The following NAALADL2 variants were observed in gnomAD, a reference collection of about 807,000 sequenced individuals.
NAALADL2 encodes the protein inactive N-acetylated-alpha-linked acidic dipeptidase-like protein 2.
Under a neutral mutation model 87.2 loss-of-function variants are expected in NAALADL2, and 76 were observed. The observed-to-expected ratio is 0.87, with a 90% CI of 0.72 to 1.05. The LOEUF (loss-of-function observed/expected upper bound fraction) is 1.05. NAALADL2 is among the 50% of genes least tolerant of loss of function. The pLI is 0.00. For synonymous variants in NAALADL2, 354 were observed against 331.0 expected (o/e 1.07, Z -0.75); for missense variants, 1,089 against 945.8 (o/e 1.15, Z -1.99).
chr3:175,480,702 A>C (rs1471728790), intron 9 of NAALADL2, among the ~76,000 whole-genome samples: 1 of 151,888 alleles, frequency 6.6e-6, no homozygotes, highest in Non-Finnish European at 1.5e-5. Flanking sequence ...ATCAGATTTC[A>C]GTAATATTCA....
At chr3:175,013,097 A>AAG (rs1750144809) in intron 1 of NAALADL2, among the ~76,000 whole-genome samples, 1 of 59,710 alleles carries the variant, frequency 1.7e-5, no homozygotes, top group Non-Finnish European at 2.4e-5. Flanking sequence ...TTTATATATA[A>AAG]ATATACATAT....
At chr3:174,593,278 A>G (rs9816294) in intron 2 of NAALADL2, among the ~76,000 whole-genome samples, 2,533 of 152,288 alleles carry the variant, frequency 0.017, 84 homozygotes, top group African/African-American at 0.057. Flanking sequence ...GACAGAGTTG[A>G]AATGTATAAC....
At chr3:174,912,607 C>T (rs773391539) in intron 1 of NAALADL2, among the ~76,000 whole-genome samples, 4 of 152,140 alleles carry the variant, frequency 2.6e-5, no homozygotes, top group Non-Finnish European at 4.4e-5. Context: ...TTCTAGCTTT[C>T]GCAGCCTTTT....
At chr3:174,828,588 G>T (rs16864898) in intron 3 of NAALADL2, among the ~76,000 whole-genome samples, 1 of 151,996 alleles carries the variant, frequency 6.6e-6, no homozygotes, top group African/African-American at 2.4e-5. Flanking sequence ...ACAAAAACAC[G>T]AGTAAGCCAA....
intron 2 of NAALADL2, among the ~76,000 whole-genome samples, chr3:174,577,174 A>G (rs1035700548): frequency 6.6e-6 from 1 of 152,132 alleles, no homozygotes. Context: ...AACACATTTG[A>G]TGCAAACAAT....
intron 1 of NAALADL2, among the ~76,000 whole-genome samples, chr3:174,921,590 A>T (rs1041802257): frequency 6.6e-6 from 1 of 152,106 alleles, no homozygotes; most frequent in African/African-American, 2.4e-5. Context: ...TCACCAAGTC[A>T]GGAGATCGAG....
intron 9 of NAALADL2, among the ~76,000 whole-genome samples, chr3:175,485,246 G>C (rs922065072): frequency 1.3e-5 from 2 of 152,160 alleles, no homozygotes; most frequent in African/African-American, 2.4e-5. Flanking sequence ...GTGTTTGGAA[G>C]TGGGACTTTT....
At chr3:174,839,234 A>G (rs926395900) in intron 3 of NAALADL2, among the ~76,000 whole-genome samples, 5 of 152,144 alleles carry the variant, frequency 3.3e-5, no homozygotes, top group African/African-American at 1.2e-4. Flanking sequence ...ACAAAAACAT[A>G]AAGTGGGCAA....
chr3:175,562,160 C>T (rs1716377137), intron 9 of NAALADL2, among the ~76,000 whole-genome samples: 1 of 152,046 alleles, frequency 6.6e-6, no homozygotes, highest in African/African-American at 2.4e-5. Flanking sequence ...TTTGGACTCC[C>T]AGTATGGGGT....
chr3:175,567,148 T>A (rs895938162), intron 9 of NAALADL2, among the ~76,000 whole-genome samples: 6 of 152,192 alleles, frequency 3.9e-5, no homozygotes, highest in African/African-American at 1.4e-4. Context: ...ATCTGAATAT[T>A]TTCTAATGTT....
At chr3:175,325,528 A>G (rs1760603671) in intron 5 of NAALADL2, among the ~76,000 whole-genome samples, 3 of 152,226 alleles carry the variant, frequency 2.0e-5, no homozygotes, top group African/African-American at 7.2e-5. Context: ...ACTGTCCTGC[A>G]TTGTAATTGC....
At chr3:175,403,016 C>A (rs763119677) in intron 5 of NAALADL2, among the ~76,000 whole-genome samples, 1 of 152,032 alleles carries the variant, frequency 6.6e-6, no homozygotes, top group Non-Finnish European at 1.5e-5. Context: ...CTGGAGTTAC[C>A]GCGCATGCCA....
intron 1 of NAALADL2, among the ~76,000 whole-genome samples, chr3:174,482,106 C>A (rs990632404): frequency 6.6e-6 from 1 of 152,112 alleles, no homozygotes; most frequent in African/African-American, 2.4e-5. Flanking sequence ...GCTATATTAA[C>A]TCTTTTCTGT....
chr3:175,222,510 C>A (rs1189722569), intron 2 of NAALADL2, among the ~76,000 whole-genome samples: 1 of 152,152 alleles, frequency 6.6e-6, no homozygotes, highest in East Asian at 1.9e-4. Flanking sequence ...TGACAGCTTG[C>A]TCTGCCAACC....
chr3:174,944,768 C>A (rs1739152450), intron 1 of NAALADL2, among the ~76,000 whole-genome samples: 1 of 152,278 alleles, frequency 6.6e-6, no homozygotes, highest in African/African-American at 2.4e-5. Context: ...GGGATCTCCT[C>A]ACCTGGGGGT....
Position 174,529,553 on chromosome 3 carries a change from C to T in NAALADL2, c.-183-21016C>T, listed in dbSNP as rs139149559. On this transcript the variant is annotated intron_variant, in intron 1 of 3. Transcript: ENST00000434257. The stretch of plus-strand genomic sequence containing the variant: ...TCTGACCGCACGTTTCCCTTTAGCA[C>T]TGCCCTAGCAGAGGTTCTCCATGAG... Among the ~76,000 whole-genome samples, 337 of 152,348 alleles carry T rather than the reference C, an allele frequency of 2.2e-3. 3 individuals carry two copies. The highest frequency in any genetic ancestry group is 8.0e-3 in the African/African-American group (332 of 41,580).
intron 4 of NAALADL2, among the ~76,000 whole-genome samples, chr3:175,294,456 G>A (rs1468089244): frequency 2.6e-5 from 4 of 152,010 alleles, no homozygotes; most frequent in African/African-American, 9.7e-5. Context: ...GGTATATTGA[G>A]AATTTACAGT....
chr3:175,387,412 G>C (rs1057043793), intron 5 of NAALADL2, among the ~76,000 whole-genome samples: 4 of 152,048 alleles, frequency 2.6e-5, no homozygotes, highest in African/African-American at 9.7e-5. Flanking sequence ...GGATAGTCAA[G>C]GTTAAGTGCT....
chr3:175,080,111 G>C (rs995849730), intron 1 of NAALADL2, among the ~76,000 whole-genome samples: 6 of 151,962 alleles, frequency 3.9e-5, no homozygotes, highest in African/African-American at 1.4e-4. Flanking sequence ...GACTACAGGC[G>C]CCCGCCACGG....
Sources: gnomAD v4.1 joint callset for allele counts (sites outside exome capture counted in the v4.1 genomes callset) on GRCh38, gnomAD v4.1.1 for gene constraint, MANE v1.5 for transcripts, NCBI Gene and HGNC (gene_info 2026-07-23, HGNC 2026-07-21) for gene names.